SLC6A6: variants seen among roughly 807,000 people sequenced by gnomAD.
The protein encoded by SLC6A6 is solute carrier family 6 member 6, also known as sodium- and chloride-dependent taurine transporter.
Under a neutral mutation model 68.8 loss-of-function variants are expected in SLC6A6, and 16 were observed. The ratio of observed to expected loss-of-function variants is 0.23; its 90% CI spans 0.16 to 0.35. The LOEUF is 0.35. SLC6A6 is among the 10% of genes least tolerant of loss of function. The probability of loss-of-function intolerance (pLI) is 1.00; values close to 1 mark genes in which losing one functional copy is unlikely to be tolerated. For missense variants in SLC6A6, 474 were observed against 802.8 expected, an observed-to-expected ratio of 0.59 and a Z score of 4.95; for synonymous variants, 312 against 315.4, an observed-to-expected ratio of 0.99 and a Z score of 0.12.
intron 3 of SLC6A6, among the ~76,000 whole-genome samples, chr3:14,445,055 TA>T (rs34017597): frequency 0.5 from 76,495 of 151,916 alleles, 20,746 homozygotes; most frequent in African/African-American, 0.71. Flanking sequence ...GAGTGGGTCT[TA>T]AGAGGCCAAG....
chr3:14,408,001 ATGC>A (rs1699148916), intron 1 of SLC6A6, among the ~76,000 whole-genome samples: 1 of 152,006 alleles, frequency 6.6e-6, no homozygotes, highest in Non-Finnish European at 1.5e-5. Context: ...ATGTTCCACA[ATGC>A]GTTCATCCAT....
intron 2 of SLC6A6, among the ~76,000 whole-genome samples, chr3:14,442,533 A>G (rs953628010): frequency 1.3e-5 from 2 of 152,220 alleles, no homozygotes; most frequent in Admixed American, 6.5e-5. Flanking sequence ...AACCCTTGTC[A>G]GTTCTCAGAG....
chr3:14,438,803 A>G (rs1699918084), intron 2 of SLC6A6, among the ~76,000 whole-genome samples: 1 of 152,224 alleles, frequency 6.6e-6, no homozygotes, highest in Non-Finnish European at 1.5e-5. Flanking sequence ...TATGCCATTG[A>G]CAATATGAGA....
intron 6 of SLC6A6, among the ~76,000 whole-genome samples, chr3:14,466,267 A>G (rs1285683700): frequency 1.1e-5 from 1 of 88,172 alleles, no homozygotes; most frequent in Non-Finnish European, 2.7e-5. Flanking sequence ...CTCAAATTTA[A>G]AAAAAAAAAA....
rs746499424 is a variant in SLC6A6, at chr3:14,486,998, G to C, written c.*1991G>C. The C allele has an allele frequency of 1.3e-5, 2 of 152,584 alleles. No homozygotes were observed. Among genetic ancestry groups the C allele is most frequent in the Admixed American group, 6.5e-5 (1 of 15,290 alleles). The allele number at this position is 152,584 out of a possible 1,614,324, so 9.5% of individuals were successfully genotyped here. A position where few individuals can be genotyped will look rare whatever the true frequency, so the allele number is the denominator to read the frequency against. On this transcript the variant is annotated 3_prime_UTR_variant, in exon 15 of 15. Coordinates refer to ENST00000622186, the MANE Select transcript of SLC6A6 (RefSeq NM_003043.6). The stretch of plus-strand genomic sequence containing the variant: ...ACTGTTTTTTCCCTGATTTTATGGA[G>C]TAGCATTGTGACCTGTTTTCCTTTG...
At chr3:14,455,159 CAA>C (rs984471698) in intron 5 of SLC6A6, among the ~76,000 whole-genome samples, 5 of 152,204 alleles carry the variant, frequency 3.3e-5, no homozygotes, top group African/African-American at 7.2e-5. Flanking sequence ...CTGATCAAAG[CAA>C]ACGTCCCTGG....
chr3:14,456,967 A>G (rs893801176), intron 5 of SLC6A6, among the ~76,000 whole-genome samples: 4 of 152,184 alleles, frequency 2.6e-5, no homozygotes, highest in Admixed American at 2.0e-4. Flanking sequence ...GTCCTCGATC[A>G]CTGTTGCAGC....
Position 14,468,252 on chromosome 3 carries a change from C to A in SLC6A6, c.1096+40C>A. The A allele has an allele frequency of 6.3e-7, 1 of 1,594,630 alleles. No individual in the cohort carries two copies. Among genetic ancestry groups the A allele is most frequent in the Non-Finnish European group, 8.5e-7 (1 of 1,170,038 alleles). On this transcript the variant is annotated intron_variant, in intron 9 of 14. Coordinates refer to ENST00000622186, the MANE Select transcript of SLC6A6 (RefSeq NM_003043.6). The surrounding 1 kb of genome is among the most constrained non-coding windows in gnomAD (Gnocchi z 4.5). ...GTGGCAGTGGTGGTGGGCACTGCCACCTAGTGTGTAAGCCAAGTACTGCAG... is the reference window on the plus strand; with the variant it reads ...GTGGCAGTGGTGGTGGGCACTGCCAACTAGTGTGTAAGCCAAGTACTGCAG...
chr3:14,417,352 T>C (rs1294506725), intron 2 of SLC6A6, among the ~76,000 whole-genome samples: 1 of 152,218 alleles, frequency 6.6e-6, no homozygotes, highest in Non-Finnish European at 1.5e-5. Context: ...AACAGTCACG[T>C]GAACATTCTT....
intron 13 of SLC6A6, 97 bp downstream of exon 13, chr3:14,479,282 C>A: frequency 1.2e-6 from 1 of 819,972 alleles, no homozygotes; most frequent in Non-Finnish European, 2.1e-6. Flanking sequence ...ATCTGTTCAG[C>A]GTGGGCTTAT....
At chr3:14,431,428 G>A (rs1454315901) in intron 2 of SLC6A6, among the ~76,000 whole-genome samples, 2 of 152,242 alleles carry the variant, frequency 1.3e-5, no homozygotes, top group African/African-American at 4.8e-5. Flanking sequence ...GACAGCAACA[G>A]TACAGGCTGG....
intron 6 of SLC6A6, among the ~76,000 whole-genome samples, chr3:14,459,196 C>T (rs1311901145): frequency 2.6e-5 from 4 of 152,154 alleles, no homozygotes; most frequent in South Asian, 2.1e-4. Flanking sequence ...AAAGAGGGAA[C>T]GTCTCTTTAA....
rs561684977 is a variant in SLC6A6 at position 14,402,969 on chromosome 3, C to G, written c.-54+122C>G. 60 of 381,930 alleles carry G rather than the reference C, an allele frequency of 1.6e-4. No individual in the cohort carries two copies. Among genetic ancestry groups the G allele is most frequent in the African/African-American group, 1.1e-3 (54 of 48,042 alleles). 23.7% of individuals were successfully genotyped at this position (381,930 alleles called of 1,614,324 possible). A position where few individuals can be genotyped will look rare whatever the true frequency, so the allele number is the denominator to read the frequency against. On this transcript the variant is annotated intron_variant, in intron 1 of 14. Transcript: ENST00000622186. The surrounding 1 kb of genome is among the most constrained non-coding windows in gnomAD (Gnocchi z 4.8). ...CTCCGCGTGCGCCCATCCGGCGCCCCTTTCACCACCGCGGAAGGGACCGAG... is the reference window on the plus strand; with the variant it reads ...CTCCGCGTGCGCCCATCCGGCGCCCGTTTCACCACCGCGGAAGGGACCGAG...
chr3:14,432,426 C>A (rs1456761717), intron 2 of SLC6A6, among the ~76,000 whole-genome samples: 2 of 152,150 alleles, frequency 1.3e-5, no homozygotes, highest in Admixed American at 1.3e-4. Context: ...GAGTCAGTGC[C>A]AGGAGGTGGC....
chr3:14,473,217 G>A (rs956100463), intron 10 of SLC6A6, among the ~76,000 whole-genome samples: 1 of 152,204 alleles, frequency 6.6e-6, no homozygotes, highest in Non-Finnish European at 1.5e-5. Context: ...ACAGGGTCTT[G>A]TTGAAACAAC....
At chr3:14,409,010 A>G (rs775430517) in intron 1 of SLC6A6, among the ~76,000 whole-genome samples, 5 of 152,240 alleles carry the variant, frequency 3.3e-5, no homozygotes, top group African/African-American at 4.8e-5. Context: ...GAGTTTCACC[A>G]TGTTAGCCAG....
chr3:14,467,918 G>T lies in SLC6A6; in HGVS notation c.933G>T (p.Ser311=), dbSNP rs146878732. 3.7e-6 allele frequency: 6 copies of T among 1,613,778 alleles called. No homozygotes were observed. Among genetic ancestry groups the T allele is most frequent in the African/African-American group, 1.3e-5 (1 of 74,892 alleles). Residue 311 remains serine, a synonymous_variant, in exon 8 of 15, where the codon TCG becomes TCT. Transcript: ENST00000622186. The part of the protein sequence containing the change: ...SYAICLGAMT[S]LGSYNKYKYN... ...CCATCTGCCTGGGGGCTATGACCTC[G>T]CTGGGGAGCTACAACAAGTACAAGT...
At chr3:14,438,636 T>C (rs1237100342) in intron 2 of SLC6A6, among the ~76,000 whole-genome samples, 2 of 152,186 alleles carry the variant, frequency 1.3e-5, no homozygotes, top group Non-Finnish European at 2.9e-5. Context: ...GCTGATCAGT[T>C]TGCTTAACCA....
chr3:14,414,440 TCTC>T (rs1699319530), intron 1 of SLC6A6, among the ~76,000 whole-genome samples: 1 of 151,946 alleles, frequency 6.6e-6, no homozygotes, highest in African/African-American at 2.4e-5. Context: ...CCTATGTGGG[TCTC>T]CTCCTGGAAC....
Sources: gnomAD v4.1 joint callset for allele counts (sites outside exome capture counted in the v4.1 genomes callset) on GRCh38, gnomAD v4.1.1 for gene constraint, Gnocchi (gnomAD v3.1) non-coding constraint, MANE v1.5 for transcripts, NCBI Gene and HGNC (gene_info 2026-07-23, HGNC 2026-07-21) for gene names.